Variants in PTCSC3 observed in about 807,000 individuals in gnomAD.
PTCSC3 encodes papillary thyroid carcinoma susceptibility candidate 3, also known as papillary thyroid carcinoma susceptibility candidate 3 (non-protein coding).
chr14:36,143,589 T>G (rs1447030622), intron 3 of PTCSC3, among the ~76,000 whole-genome samples: 9 of 149,084 alleles, frequency 6.0e-5, no homozygotes, highest in Non-Finnish European at 1.1e-4. Context: ...TTGCGAAAAT[T>G]TTCTCCCATT....
chr14:36,149,669 T>C (rs1221905839), intron 3 of PTCSC3, among the ~76,000 whole-genome samples: 1 of 152,230 alleles, frequency 6.6e-6, no homozygotes, highest in Non-Finnish European at 1.5e-5. Context: ...TTAATTATTA[T>C]GTCTTTTTGG....
At chr14:36,158,161 G>A (rs1377929393) in intron 2 of PTCSC3, among the ~76,000 whole-genome samples, 6 of 152,196 alleles carry the variant, frequency 3.9e-5, no homozygotes, top group Non-Finnish European at 8.8e-5. Flanking sequence ...GGGCTGAGAT[G>A]ATGGGGTTTT....
intron 3 of PTCSC3, among the ~76,000 whole-genome samples, chr14:36,150,929 A>C (rs939563693): frequency 1.8e-5 from 2 of 112,062 alleles, no homozygotes; most frequent in African/African-American, 5.8e-5. Flanking sequence ...ATGAATAAGA[A>C]AGGTATTTTT....
At chr14:36,154,144 T>A (rs1396943510) in intron 2 of PTCSC3, among the ~76,000 whole-genome samples, 2 of 151,990 alleles carry the variant, frequency 1.3e-5, no homozygotes, top group African/African-American at 4.8e-5. Flanking sequence ...ATGATTCTGT[T>A]TATGTAAAAT....
chr14:36,144,140 G>C (rs976419540), intron 3 of PTCSC3, among the ~76,000 whole-genome samples: 1 of 151,920 alleles, frequency 6.6e-6, no homozygotes, highest in African/African-American at 2.4e-5. Context: ...TTGGTAATGC[G>C]GGCTCTTTTT....
intron 3 of PTCSC3, among the ~76,000 whole-genome samples, chr14:36,139,932 A>G (rs1250701166): frequency 2.0e-5 from 3 of 152,216 alleles, no homozygotes; most frequent in African/African-American, 7.2e-5. Flanking sequence ...CACCATTACA[A>G]TACCATACAG....
chr14:36,135,214 T>C (rs926301177), downstream of PTCSC3, among the ~76,000 whole-genome samples: 3 of 152,204 alleles, frequency 2.0e-5, no homozygotes, highest in African/African-American at 4.8e-5. Context: ...TTGTTATTAC[T>C]ACCATGGATA....
chr14:36,174,521 T>A (rs1269356660), intron 1 of PTCSC3, among the ~76,000 whole-genome samples: 1 of 152,206 alleles, frequency 6.6e-6, no homozygotes, highest in Non-Finnish European at 1.5e-5. Flanking sequence ...TAGTGAACAC[T>A]GTGGACAACA....
At chr14:36,166,818 A>G (rs1390392212) in intron 1 of PTCSC3, among the ~76,000 whole-genome samples, 1 of 152,192 alleles carries the variant, frequency 6.6e-6, no homozygotes, top group Non-Finnish European at 1.5e-5. Flanking sequence ...GCTCACTTCT[A>G]TTAAAGGGTT....
intron 3 of PTCSC3, among the ~76,000 whole-genome samples, chr14:36,139,559 A>AT (rs1555330384): frequency 2.6e-5 from 4 of 151,980 alleles, no homozygotes; most frequent in Admixed American, 6.5e-5. Context: ...ATTATTCGCT[A>AT]CCCCCCCAAT....
intron 1 of PTCSC3, among the ~76,000 whole-genome samples, chr14:36,168,791 A>AT (rs1594456992): frequency 6.6e-6 from 1 of 151,960 alleles, no homozygotes; most frequent in East Asian, 1.9e-4. Flanking sequence ...AACTTAAAAC[A>AT]TTTTTTTGTT....
intron 2 of PTCSC3, among the ~76,000 whole-genome samples, chr14:36,154,748 G>T (rs916892124): frequency 2.6e-5 from 4 of 152,152 alleles, no homozygotes; most frequent in Non-Finnish European, 5.9e-5. Flanking sequence ...TGGGGGAGGG[G>T]CAAGGAGCTG....
chr14:36,135,872 T>C (rs1881273495), downstream of PTCSC3, among the ~76,000 whole-genome samples: 1 of 151,066 alleles, frequency 6.6e-6, no homozygotes. Flanking sequence ...GATATATATA[T>C]ATATGTGTGT....
At chr14:36,146,416 A>G (rs919793795) in intron 3 of PTCSC3, among the ~76,000 whole-genome samples, 1 of 150,928 alleles carries the variant, frequency 6.6e-6, no homozygotes, top group Non-Finnish European at 1.5e-5. Context: ...CCATTATTTA[A>G]TGGCCTTGTT....
chr14:36,150,496 G>C (rs903709816), intron 3 of PTCSC3, among the ~76,000 whole-genome samples: 6 of 152,168 alleles, frequency 3.9e-5, no homozygotes, highest in Non-Finnish European at 7.3e-5. Flanking sequence ...GAAATACTCA[G>C]TTTATAGTAT....
chr14:36,143,934 G>C (rs936411815), intron 3 of PTCSC3, among the ~76,000 whole-genome samples: 1 of 151,758 alleles, frequency 6.6e-6, no homozygotes, highest in African/African-American at 2.4e-5. Context: ...CCCATTGCTT[G>C]TTTTTCTCAG....
At chr14:36,139,900 C>G (rs1881379655) in intron 3 of PTCSC3, among the ~76,000 whole-genome samples, 1 of 152,140 alleles carries the variant, frequency 6.6e-6, no homozygotes, top group Non-Finnish European at 1.5e-5. Flanking sequence ...TGGGTTTTGA[C>G]AAATGCATAA....
chr14:36,143,163 G>A (rs1881467060), intron 3 of PTCSC3, among the ~76,000 whole-genome samples: 1 of 149,144 alleles, frequency 6.7e-6, no homozygotes, highest in East Asian at 2.0e-4. Context: ...AGTCCTTTGG[G>A]TATATACCCA....
chr14:36,137,203 A>G (rs909212611), intron 3 of PTCSC3, among the ~76,000 whole-genome samples: 1 of 152,220 alleles, frequency 6.6e-6, no homozygotes, highest in Admixed American at 6.5e-5. Flanking sequence ...CGCTGCAGGT[A>G]GAGGCAACAA....
Sources: gnomAD v4.1 joint callset for allele counts (sites outside exome capture counted in the v4.1 genomes callset) on GRCh38, gnomAD v4.1.1 for gene constraint, MANE v1.5 for transcripts, NCBI Gene and HGNC (gene_info 2026-07-23, HGNC 2026-07-21) for gene names.